Variants in PARD3B observed in about 807,000 individuals in gnomAD.
The protein encoded by PARD3B is par-3 family cell polarity regulator beta.
Under a neutral mutation model 130.2 loss-of-function variants are expected in PARD3B, and 103 were observed. The observed-to-expected ratio is 0.79, with a 90% confidence interval of 0.67 to 0.93. The LOEUF is 0.93. PARD3B is among the 40% of genes least tolerant of loss of function. The probability of loss-of-function intolerance (pLI) is 0.00; values close to 1 mark genes in which losing one functional copy is unlikely to be tolerated. For missense variants in PARD3B, 1,609 were observed against 1,499.2 expected, an observed-to-expected ratio of 1.07 and a Z score of -1.21; for synonymous variants, 583 against 553.2, an observed-to-expected ratio of 1.05 and a Z score of -0.76.
intron 3 of PARD3B, among the ~76,000 whole-genome samples, chr2:205,034,881 A>C (rs1386312666): frequency 6.6e-6 from 1 of 151,884 alleles, no homozygotes; most frequent in African/African-American, 2.4e-5. Flanking sequence ...TATTGAGATG[A>C]AATCTTGCTC....
intron 20 of PARD3B, among the ~76,000 whole-genome samples, chr2:205,447,006 G>A (rs966324872): frequency 3.3e-5 from 5 of 152,168 alleles, no homozygotes; most frequent in Non-Finnish European, 7.3e-5. Flanking sequence ...TGCCAAATGG[G>A]TTTGATTGCA....
At chr2:205,099,074 G>T (rs1702581012) in intron 4 of PARD3B, among the ~76,000 whole-genome samples, 1 of 152,090 alleles carries the variant, frequency 6.6e-6, no homozygotes, top group South Asian at 2.1e-4. Flanking sequence ...CAGTTGGCAG[G>T]ACACAATCTC....
intron 2 of PARD3B, among the ~76,000 whole-genome samples, chr2:204,932,163 GA>G (rs1688081904): frequency 6.6e-6 from 1 of 152,052 alleles, no homozygotes; most frequent in African/African-American, 2.4e-5. Flanking sequence ...TTTCAGTATA[GA>G]GGATTGACAC....
chr2:204,568,338 A>G (rs148076945), intron 1 of PARD3B, among the ~76,000 whole-genome samples: 92 of 152,382 alleles, frequency 6.0e-4, no homozygotes, highest in African/African-American at 2.1e-3. Flanking sequence ...TTATTTAACA[A>G]TAACAGAAAA....
At chr2:204,832,947 A>G (rs2043883849) in intron 2 of PARD3B, among the ~76,000 whole-genome samples, 3 of 152,208 alleles carry the variant, frequency 2.0e-5, no homozygotes, top group Admixed American at 1.3e-4. Flanking sequence ...TATGCTTTGA[A>G]ACTCAAGAAC....
At chr2:204,837,708 C>T (rs1463699856) in intron 2 of PARD3B, among the ~76,000 whole-genome samples, 1 of 152,148 alleles carries the variant, frequency 6.6e-6, no homozygotes, top group Non-Finnish European at 1.5e-5. Flanking sequence ...GCTCACTATT[C>T]TGTAGGAAAG....
intron 18 of PARD3B, among the ~76,000 whole-genome samples, chr2:205,396,777 A>G (rs1447624017): frequency 6.6e-6 from 1 of 152,248 alleles, no homozygotes; most frequent in African/African-American, 2.4e-5. Flanking sequence ...AAGGTAACAG[A>G]TAATGGGAGG....
chr2:204,592,810 A>G (rs2033131968), intron 1 of PARD3B, among the ~76,000 whole-genome samples: 1 of 152,162 alleles, frequency 6.6e-6, no homozygotes, highest in South Asian at 2.1e-4. Flanking sequence ...TTACTAGTCT[A>G]CTTTTGGTAC....
intron 2 of PARD3B, among the ~76,000 whole-genome samples, chr2:204,940,571 T>C (rs962084441): frequency 3.3e-5 from 5 of 152,134 alleles, no homozygotes; most frequent in Non-Finnish European, 7.3e-5. Context: ...AAAAAAATTG[T>C]AGAAAGGCAA....
At chr2:205,032,869 C>T (rs375191433) in intron 3 of PARD3B, among the ~76,000 whole-genome samples, 5 of 152,242 alleles carry the variant, frequency 3.3e-5, no homozygotes, top group African/African-American at 1.2e-4. Flanking sequence ...ACTGATAAAT[C>T]ATATAGATTT....
At chr2:205,455,865 G>A (rs575961711) in intron 20 of PARD3B, among the ~76,000 whole-genome samples, 3 of 152,036 alleles carry the variant, frequency 2.0e-5, no homozygotes, top group South Asian at 2.1e-4. Flanking sequence ...GTAGATCCAC[G>A]TAACCATTTT....
chr2:204,771,419 A>G (rs2041374301), intron 2 of PARD3B, among the ~76,000 whole-genome samples: 1 of 152,070 alleles, frequency 6.6e-6, no homozygotes. Flanking sequence ...TGTACTGAGA[A>G]CACTATGTTT....
chr2:204,560,420 A>T (rs1210044214), intron 1 of PARD3B, among the ~76,000 whole-genome samples: 1 of 152,134 alleles, frequency 6.6e-6, no homozygotes, highest in Non-Finnish European at 1.5e-5. Context: ...ATAGAGGAGC[A>T]TGGCAACAAA....
chr2:205,052,461 AAAT>A (rs1699286836), intron 4 of PARD3B, among the ~76,000 whole-genome samples: 1 of 144,870 alleles, frequency 6.9e-6, no homozygotes, highest in African/African-American at 2.5e-5. Flanking sequence ...AAAATTAAAA[AAAT>A]AAGCTGGCAG....
chr2:205,549,753 A>G (rs1360236013), intron 21 of PARD3B, among the ~76,000 whole-genome samples: 1 of 152,192 alleles, frequency 6.6e-6, no homozygotes, highest in Non-Finnish European at 1.5e-5. Flanking sequence ...AGTAACACCT[A>G]GAGAGAGCCC....
chr2:204,796,939 T>C (rs1259374737), intron 2 of PARD3B, among the ~76,000 whole-genome samples: 2 of 151,712 alleles, frequency 1.3e-5, no homozygotes, highest in Non-Finnish European at 2.9e-5. Flanking sequence ...CTTTGGGAGG[T>C]GGAAGTGGGT....
intron 2 of PARD3B, among the ~76,000 whole-genome samples, chr2:204,739,507 C>T (rs191784751): frequency 5.9e-5 from 9 of 152,074 alleles, no homozygotes; most frequent in East Asian, 3.9e-4. Flanking sequence ...TAGGCTGGAG[C>T]GCAGTGGTAC....
rs929436147 is a variant in PARD3B at position 204,914,102 on chromosome 2, C to T, written c.223-51050C>T. Among the ~76,000 whole-genome samples the T allele has an allele frequency of 5.9e-5, 9 of 152,238 alleles. No homozygotes were observed. The East Asian group carries it at 1.4e-3, about 23-fold the overall frequency. On this transcript the variant is annotated intron_variant, in intron 2 of 22. Transcript: ENST00000406610. ...ACGCTGGGAGGAGTGCACAATGGGG[C>T]GGAGCCTTGGGAAGTTCACACCATT...
intron 18 of PARD3B, among the ~76,000 whole-genome samples, chr2:205,398,278 G>A (rs1201978147): frequency 6.6e-6 from 1 of 151,788 alleles, no homozygotes; most frequent in African/African-American, 2.4e-5. Flanking sequence ...TCCAACCTCA[G>A]TAACAAGAGT....
Sources: gnomAD v4.1 joint callset for allele counts (sites outside exome capture counted in the v4.1 genomes callset) on GRCh38, gnomAD v4.1.1 for gene constraint, MANE v1.5 for transcripts, NCBI Gene and HGNC (gene_info 2026-07-23, HGNC 2026-07-21) for gene names.